The following DENND5A variants were observed in gnomAD, a reference collection of about 807,000 sequenced individuals.
The protein encoded by DENND5A is DENN domain-containing protein 5A.
Under a neutral mutation model 140.3 loss-of-function variants are expected in DENND5A, and 64 were observed. That is an observed-to-expected ratio of 0.46 (90% CI 0.37 to 0.56). The LOEUF is 0.56. Among genes scored for constraint, DENND5A ranks in the 20% least tolerant of loss-of-function variants. DENND5A has a pLI of 0.00. For missense variants in DENND5A, 1,292 were observed against 1,593.8 expected (o/e 0.81, Z 3.22); for synonymous variants, 605 against 607.7 (o/e 1.00, Z 0.07).
At chr11:9,204,663 G>C (rs915669700) in intron 3 of DENND5A, among the ~76,000 whole-genome samples, 6 of 152,190 alleles carry the variant, frequency 3.9e-5, no homozygotes, top group Non-Finnish European at 8.8e-5. Context: ...AGCAGTTCAA[G>C]ACCAGCCTGG....
chr11:9,259,333 C>T (rs1178524247), intron 1 of DENND5A, among the ~76,000 whole-genome samples: 1 of 151,244 alleles, frequency 6.6e-6, no homozygotes, highest in Non-Finnish European at 1.5e-5. Context: ...CCAACGCAGG[C>T]GGATCACAAG....
chr11:9,179,016 C>T lies in DENND5A; in HGVS notation c.1513G>A (p.Glu505Lys), dbSNP rs1453631108. ...NKDLKVQCDE[E>K]ELRIYQLNIQ... ...TTTAGCTGGTAAATCCTGAGTTCTT[C>T]TTCATCACACTGAACTTTGAGATCC... Residue 505 changes from glutamate (E) to lysine (K), a missense_variant, in exon 7 of 23, where the codon GAA becomes AAA. Glu to Lys is a moderately conservative substitution (Grantham distance 56). This residue lies in a region of DENND5A where 566 missense variants were observed against 650.4 expected (regional missense o/e 0.87). Transcript: ENST00000328194. 2 of 1,614,042 alleles carry T rather than the reference C, an allele frequency of 1.2e-6. No individual in the cohort carries two copies. Among genetic ancestry groups the T allele is most frequent in the Admixed American group, 3.3e-5 (2 of 60,004 alleles).
chr11:9,151,082 C>T (rs550510883), intron 13 of DENND5A, among the ~76,000 whole-genome samples: 2 of 152,296 alleles, frequency 1.3e-5, no homozygotes, highest in South Asian at 2.1e-4. Context: ...GCAGCAAAGT[C>T]AGTACTGGAA....
At chr11:9,157,103 T>G (rs1017642995) in intron 12 of DENND5A, among the ~76,000 whole-genome samples, 5 of 152,228 alleles carry the variant, frequency 3.3e-5, no homozygotes, top group African/African-American at 7.2e-5. Context: ...ATATATGTTT[T>G]ACCTCAAAGC....
intron 5 of DENND5A, among the ~76,000 whole-genome samples, chr11:9,192,530 A>AAC (rs921800258): frequency 8.5e-5 from 13 of 152,270 alleles, no homozygotes; most frequent in African/African-American, 3.1e-4. Context: ...TGGGAGACTG[A>AAC]AGCAGGAGAA....
At chr11:9,226,466 A>G (rs1192042063) in intron 1 of DENND5A, among the ~76,000 whole-genome samples, 1 of 152,192 alleles carries the variant, frequency 6.6e-6, no homozygotes, top group Non-Finnish European at 1.5e-5. Context: ...ATGGGAAAAA[A>G]AAGTTTCTGG....
intron 9 of DENND5A, chr11:9,170,426 G>T: frequency 1.9e-6 from 1 of 519,164 alleles, no homozygotes; most frequent in Non-Finnish European, 2.5e-6. Flanking sequence ...ATCCCAATCT[G>T]CATAGTGGAG....
intron 12 of DENND5A, 25 bp from the exon 13 acceptor site, chr11:9,152,467 A>C (rs771767233): frequency 1.3e-6 from 2 of 1,534,590 alleles, no homozygotes; most frequent in Non-Finnish European, 1.8e-6. Context: ...AGGGAGAAAC[A>C]CCTATCAGTT....
chr11:9,179,099 G>C, intron 6 of DENND5A, 26 bp from the exon 7 acceptor site: 1 of 1,598,230 alleles, frequency 6.3e-7, no homozygotes, highest in Non-Finnish European at 8.6e-7. Context: ...AAGCAGTTGA[G>C]AACACATACA....
intron 9 of DENND5A, 112 bp downstream of exon 9, chr11:9,170,515 A>G (rs2136157624): frequency 7.5e-7 from 1 of 1,332,736 alleles, no homozygotes; most frequent in Admixed American, 2.1e-5. Context: ...TCTTCTCCAT[A>G]TCTGCTTTAG....
chr11:9,144,297 A>G lies in DENND5A; in HGVS notation c.3123-19T>C. The G allele has an allele frequency of 6.2e-7, 1 of 1,612,796 alleles. No homozygotes were observed. The highest frequency in any genetic ancestry group is 1.8e-4 in the Middle Eastern group (1 of 5,558). On this transcript the variant is annotated intron_variant, in intron 18 of 22. Coordinates refer to ENST00000328194, the MANE Select transcript of DENND5A (RefSeq NM_015213.4). ...CGGGAACCTGAAGATCAGACAATGG[A>G]CTGTCAGAGCAGCCAGCTCCTCCCT...
At chr11:9,158,491 T>C (rs1847880660) in intron 12 of DENND5A, among the ~76,000 whole-genome samples, 1 of 152,066 alleles carries the variant, frequency 6.6e-6, no homozygotes, top group Non-Finnish European at 1.5e-5. Flanking sequence ...AAGGCTGCAG[T>C]GAGCAGAGAT....
intron 1 of DENND5A, among the ~76,000 whole-genome samples, chr11:9,241,052 T>C (rs1249058443): frequency 6.6e-6 from 1 of 152,194 alleles, no homozygotes; most frequent in Non-Finnish European, 1.5e-5. Context: ...TGTGTGATGT[T>C]TGTGTATTCT....
chr11:9,188,465 C>T (rs1329930860), intron 5 of DENND5A, among the ~76,000 whole-genome samples: 1 of 152,160 alleles, frequency 6.6e-6, no homozygotes, highest in Non-Finnish European at 1.5e-5. Context: ...AACTGGGTGT[C>T]AGGCAGAGAT....
chr11:9,264,948 G>T lies in DENND5A; in HGVS notation c.109+13C>A, dbSNP rs185165248. ...GGGCGCGGGAAAGCGCCCCGGGCTC[G>T]GCGCGCACTCACCCGACAGCTCGTC... On this transcript the variant is annotated intron_variant, in intron 1 of 22. Transcript: ENST00000328194. 1.1e-5 allele frequency: 17 copies of T among 1,552,510 alleles called. No homozygotes were observed. The East Asian group carries it at 2.0e-4, about 19-fold the overall frequency.
intron 1 of DENND5A, among the ~76,000 whole-genome samples, chr11:9,209,902 T>C (rs1182427657): frequency 6.6e-6 from 1 of 152,050 alleles, no homozygotes. Context: ...GGTCAGGAGT[T>C]ACAAACCAGC....
intron 11 of DENND5A, among the ~76,000 whole-genome samples, chr11:9,162,842 GGCAT>G (rs1241828051): frequency 1.3e-5 from 2 of 149,902 alleles, no homozygotes; most frequent in African/African-American, 4.9e-5. Context: ...TGGGACTATA[GGCAT>G]GCATGTTTCT....
intron 1 of DENND5A, among the ~76,000 whole-genome samples, chr11:9,222,742 A>G (rs1474328364): frequency 6.6e-6 from 1 of 152,194 alleles, no homozygotes; most frequent in Non-Finnish European, 1.5e-5. Flanking sequence ...AGCCATACAC[A>G]TATGGCATAT....
chr11:9,166,175 C>T (rs1197387864), intron 10 of DENND5A, among the ~76,000 whole-genome samples: 1 of 151,656 alleles, frequency 6.6e-6, no homozygotes, highest in Non-Finnish European at 1.5e-5. Flanking sequence ...ACCTCCCAGG[C>T]TCAGGCAATC....
Sources: gnomAD v4.1 joint callset for allele counts (sites outside exome capture counted in the v4.1 genomes callset) on GRCh38, gnomAD v4.1.1 for gene constraint, gnomAD v4.1.1 regional missense constraint, MANE v1.5 for transcripts, NCBI Gene and HGNC (gene_info 2026-07-23, HGNC 2026-07-21) for gene names.